The following COLEC12 variants were observed in gnomAD, a reference collection of about 807,000 sequenced individuals.
COLEC12 encodes the protein collectin subfamily member 12.
A neutral mutation model predicts 71.1 loss-of-function variants in COLEC12; 33 were observed. That is an observed-to-expected ratio of 0.46 (90% CI 0.35 to 0.62). The LOEUF is 0.62. Among genes scored for constraint, COLEC12 ranks in the 20% least tolerant of loss-of-function variants. The pLI is 0.00. For synonymous variants in COLEC12, 350 were observed against 353.0 expected (o/e 0.99, Z 0.10); for missense variants, 765 against 916.1 (o/e 0.84, Z 2.13).
At chr18:370,409 G>A (rs1235624067) in intron 2 of COLEC12, among the ~76,000 whole-genome samples, 5 of 152,166 alleles carry the variant, frequency 3.3e-5, no homozygotes, top group African/African-American at 1.2e-4. Flanking sequence ...GCTTAAAGAA[G>A]AAGCGGCTTT....
At chr18:421,736 T>C (rs113773395) in intron 2 of COLEC12, among the ~76,000 whole-genome samples, 368 of 152,284 alleles carry the variant, frequency 2.4e-3, no homozygotes, top group African/African-American at 8.4e-3. Context: ...TTCCAGTGAT[T>C]GACCACTGAT....
rs564950521 is a variant in COLEC12 at position 331,388 on chromosome 18, G to A, written c.2063+280C>T. 1.1e-4 allele frequency among the ~76,000 whole-genome samples: 16 copies of A among 152,244 alleles called. No individual in the cohort carries two copies. In the South Asian group the frequency reaches 3.3e-3, roughly 32 times the overall value. On this transcript the variant is annotated intron_variant, in intron 8 of 9. Coordinates refer to ENST00000400256, the MANE Select transcript of COLEC12 (RefSeq NM_130386.3). ...TTTAAAGAAAATGACTTGGCCAGAA[G>A]TATTATGCTGTGTGGTTTTATGAGT...
intron 1 of COLEC12, among the ~76,000 whole-genome samples, chr18:497,252 A>T (rs1917728903): frequency 6.6e-6 from 1 of 152,216 alleles, no homozygotes; most frequent in Non-Finnish European, 1.5e-5. Flanking sequence ...ATCCAGGTTT[A>T]AATATCAGAA....
At chr18:376,705 C>T (rs1163588216) in intron 2 of COLEC12, among the ~76,000 whole-genome samples, 3 of 152,176 alleles carry the variant, frequency 2.0e-5, no homozygotes, top group African/African-American at 7.2e-5. Context: ...ATGGCAAAGA[C>T]CTTGATGAGA....
intron 2 of COLEC12, among the ~76,000 whole-genome samples, chr18:392,685 C>T (rs1915487640): frequency 6.6e-6 from 1 of 152,186 alleles, no homozygotes; most frequent in African/African-American, 2.4e-5. Context: ...CAGTTTTACT[C>T]CTAAAATGTG....
intron 2 of COLEC12, among the ~76,000 whole-genome samples, chr18:454,779 G>T (rs1016927813): frequency 6.6e-6 from 1 of 152,154 alleles, no homozygotes; most frequent in Non-Finnish European, 1.5e-5. Flanking sequence ...GACGGTTTTC[G>T]ATTAGTTTGT....
intron 2 of COLEC12, among the ~76,000 whole-genome samples, chr18:393,383 T>C (rs1915503504): frequency 6.6e-6 from 1 of 151,612 alleles, no homozygotes; most frequent in East Asian, 1.9e-4. Flanking sequence ...TTTCCCTTTT[T>C]TCTTTGGTAT....
At chr18:478,891 C>T (rs1035249937) in intron 2 of COLEC12, among the ~76,000 whole-genome samples, 8 of 126,374 alleles carry the variant, frequency 6.3e-5, no homozygotes, top group African/African-American at 2.7e-4. Context: ...GTGAGTCATC[C>T]GTTGCAACTC....
rs556381171 is a variant in COLEC12, at chr18:418,688, C to A, written c.59-61166G>T. On this transcript the variant is annotated intron_variant, in intron 2 of 9. Coordinates refer to ENST00000400256, the MANE Select transcript of COLEC12 (RefSeq NM_130386.3). Reference sequence around the variant, plus strand: ...TCTGGTCGTCCTGACTGCTACACTCCCACCAGCGCCATGACAGTTTACAGA... The same window carrying A: ...TCTGGTCGTCCTGACTGCTACACTCACACCAGCGCCATGACAGTTTACAGA... 5.9e-5 allele frequency among the ~76,000 whole-genome samples: 9 copies of A among 152,314 alleles called. No individual in the cohort carries two copies. In the South Asian group the frequency reaches 1.9e-3, roughly 32 times the overall value.
intron 2 of COLEC12, among the ~76,000 whole-genome samples, chr18:368,867 A>AC (rs1914930476): frequency 1.3e-5 from 2 of 152,190 alleles, no homozygotes; most frequent in African/African-American, 4.8e-5. Context: ...CTCCGTCTCA[A>AC]AAACAAAACA....
intron 2 of COLEC12, among the ~76,000 whole-genome samples, chr18:460,528 A>C (rs985532841): frequency 7.9e-5 from 12 of 152,312 alleles, no homozygotes; most frequent in African/African-American, 2.6e-4. Flanking sequence ...TAGTAACCTC[A>C]TGTCCAGACA....
chr18:355,213 G>C (rs1393483094), intron 3 of COLEC12, among the ~76,000 whole-genome samples: 2 of 152,184 alleles, frequency 1.3e-5, no homozygotes, highest in Non-Finnish European at 2.9e-5. Flanking sequence ...TCGTAGTTTG[G>C]GTGGTGACAC....
intron 2 of COLEC12, among the ~76,000 whole-genome samples, chr18:404,731 G>A (rs1360281403): frequency 6.6e-6 from 1 of 152,092 alleles, no homozygotes; most frequent in African/African-American, 2.4e-5. Flanking sequence ...GTCACCTCAA[G>A]ACCACTGTGA....
chr18:435,126 C>A (rs1185496862), intron 2 of COLEC12, among the ~76,000 whole-genome samples: 1 of 152,142 alleles, frequency 6.6e-6, no homozygotes, highest in Non-Finnish European at 1.5e-5. Context: ...GATTCTGGCA[C>A]CGAGCACACT....
intron 8 of COLEC12, among the ~76,000 whole-genome samples, chr18:330,327 C>T (rs544904246): frequency 6.6e-6 from 1 of 152,222 alleles, no homozygotes; most frequent in South Asian, 2.1e-4. Flanking sequence ...AGGCCTGAAA[C>T]ACCCTTGTTT....
At chr18:453,469 C>A (rs4798223) in intron 2 of COLEC12, among the ~76,000 whole-genome samples, 18,185 of 152,242 alleles carry the variant, frequency 0.12, 1,459 homozygotes, top group Middle Eastern at 0.21. Context: ...GACACAGAGA[C>A]AGAGACAGAA....
chr18:492,466 C>T (rs1043085216), intron 1 of COLEC12, among the ~76,000 whole-genome samples: 1 of 152,164 alleles, frequency 6.6e-6, no homozygotes, highest in Non-Finnish European at 1.5e-5. Context: ...AGTACGACAT[C>T]CAAAACCTTG....
At chr18:363,749 G>A (rs1253831042) in intron 2 of COLEC12, among the ~76,000 whole-genome samples, 2 of 152,120 alleles carry the variant, frequency 1.3e-5, no homozygotes, top group South Asian at 4.1e-4. Context: ...TTTATCCACC[G>A]AAATAACTAG....
chr18:473,225 G>T (rs1466835936), intron 2 of COLEC12, among the ~76,000 whole-genome samples: 1 of 151,986 alleles, frequency 6.6e-6, no homozygotes, highest in Non-Finnish European at 1.5e-5. Context: ...AACACAAAGG[G>T]CCCCAGGGAG....
Sources: allele counts gnomAD v4.1 joint callset (sites outside exome capture counted in the v4.1 genomes callset), GRCh38; gene constraint gnomAD v4.1.1; transcripts MANE v1.5; gene names NCBI Gene and HGNC (gene_info 2026-07-23, HGNC 2026-07-21).